Variants in MEAK7 observed in about 807,000 individuals in gnomAD.
MEAK7 encodes the protein MTOR associated protein MEAK7, also known as MTOR-associated protein MEAK7.
Under a neutral mutation model 40.5 loss-of-function variants are expected in MEAK7, and 68 were observed. That is an observed-to-expected ratio of 1.68 (90% CI 1.38 to 2.06). The LOEUF is 2.06. Among genes scored for constraint, MEAK7 ranks in the 30% most tolerant of loss-of-function variants. MEAK7 has a pLI of 0.00. For synonymous variants in MEAK7, 338 were observed against 231.9 expected (o/e 1.46, Z -4.16); for missense variants, 918 against 580.5 (o/e 1.58, Z -5.98).
intron 5 of MEAK7, among the ~76,000 whole-genome samples, chr16:84,483,777 A>G (rs752460247): frequency 3.3e-5 from 5 of 152,218 alleles, no homozygotes; most frequent in Non-Finnish European, 7.3e-5. Flanking sequence ...GCCCTGAAAC[A>G]GAGCTGGCTG....
chr16:84,503,924 G>A (rs1403391179), intron 1 of MEAK7: 9 of 984,938 alleles, frequency 9.1e-6, no homozygotes, highest in South Asian at 4.7e-5. Context: ...CAAGGGCCCC[G>A]CATCCCTAGA....
At chr16:84,496,297 T>C (rs1374419413) in intron 2 of MEAK7, among the ~76,000 whole-genome samples, 1 of 152,146 alleles carries the variant, frequency 6.6e-6, no homozygotes, top group Non-Finnish European at 1.5e-5. Flanking sequence ...GTGAATGACA[T>C]ACCTGGTCAA....
At chr16:84,497,347 G>T (rs1914133698) in intron 2 of MEAK7, 7 of 1,172,544 alleles carry the variant, frequency 6.0e-6, no homozygotes, top group Non-Finnish European at 4.4e-6. Flanking sequence ...CTCCCTGCAA[G>T]ATGAGCCTTG....
chr16:84,502,338 T>TA (rs11427168), intron 1 of MEAK7, among the ~76,000 whole-genome samples: 54,479 of 151,676 alleles, frequency 0.36, 10,243 homozygotes, highest in East Asian at 0.62. Context: ...GGGATACTGC[T>TA]AAAAATCCTA....
At chr16:84,482,306 G>T (rs565682035) in intron 6 of MEAK7, among the ~76,000 whole-genome samples, 8 of 152,302 alleles carry the variant, frequency 5.3e-5, no homozygotes, top group African/African-American at 1.4e-4. Flanking sequence ...AGCCACAAAG[G>T]CTACAAACCA....
Position 84,495,911 on chromosome 16 carries a change from G to C in MEAK7, c.156C>G (p.Asn52Lys), listed in dbSNP as rs1261881970. The C allele has an allele frequency of 8.7e-6, 14 of 1,613,814 alleles. No individual in the cohort carries two copies. The highest frequency in any genetic ancestry group is 1.6e-4 in the Middle Eastern group (1 of 6,084). Residue 52 changes from asparagine (N) to lysine (K), a missense_variant and splice_region_variant, in exon 3 of 8, where the codon AAC becomes AAG. By Grantham distance (94) the Asn-to-Lys change is moderately conservative. Transcript: ENST00000343629. ...CTGGGGGAAGAGCTTCCCCGACGTGGTTCTGCCGGGGACAAGCAGAAAAAT... is the reference window on the plus strand; with the variant it reads ...CTGGGGGAAGAGCTTCCCCGACGTGCTTCTGCCGGGGACAAGCAGAAAAAT... ...SKSFSLKALQ[N>K]HVGEALPPEM...
intron 3 of MEAK7, among the ~76,000 whole-genome samples, chr16:84,493,869 C>T (rs1179567471): frequency 6.6e-6 from 1 of 152,090 alleles, no homozygotes; most frequent in African/African-American, 2.4e-5. Flanking sequence ...CTCACACTGT[C>T]CTTTACAGGG....
chr16:84,500,887 G>C (rs1236904555), intron 1 of MEAK7, among the ~76,000 whole-genome samples: 2 of 152,072 alleles, frequency 1.3e-5, no homozygotes, highest in Non-Finnish European at 2.9e-5. Flanking sequence ...GAGGTCAGGA[G>C]TTCGAAACTA....
intron 3 of MEAK7, among the ~76,000 whole-genome samples, chr16:84,494,006 G>A (rs1407667822): frequency 6.6e-6 from 1 of 152,002 alleles, no homozygotes; most frequent in Non-Finnish European, 1.5e-5. Flanking sequence ...TAAATTCTTG[G>A]CTAGGCTTGG....
In MEAK7 at chr16:84,480,705, T is replaced by A. The variant is rs1464841076; in HGVS notation, c.1081A>T (p.Met361Leu). Residue 361 changes from methionine (M) to leucine (L), a missense_variant, in exon 7 of 8, where the codon ATG (methionine) becomes TTG (leucine). Coordinates refer to ENST00000343629, the MANE Select transcript of MEAK7 (RefSeq NM_020947.4). Reference sequence around the variant, plus strand: ...CCAAAGTAATTGTGCTGCCCCCCCATACCCTGCAAAGGAAGCCAGGACAGA... The same window carrying A: ...CCAAAGTAATTGTGCTGCCCCCCCAAACCCTGCAAAGGAAGCCAGGACAGA... ...GQQTIPNGLGMGGQHNYFGLW... is the reference protein window; with the variant it reads ...GQQTIPNGLGLGGQHNYFGLW... The A allele has an allele frequency of 1.9e-6, 3 of 1,610,674 alleles. No homozygotes were observed. The highest frequency in any genetic ancestry group is 1.1e-5 in the South Asian group (1 of 90,596).
chr16:84,489,031 C>A (rs775284149), intron 4 of MEAK7, among the ~76,000 whole-genome samples: 18 of 152,118 alleles, frequency 1.2e-4, no homozygotes, highest in Non-Finnish European at 2.6e-4. Flanking sequence ...AACCCTTTAG[C>A]TAGACTAAGA....
At chr16:84,491,863 G>A (rs940063511) in intron 3 of MEAK7, among the ~76,000 whole-genome samples, 2 of 151,484 alleles carry the variant, frequency 1.3e-5, no homozygotes, top group African/African-American at 4.8e-5. Context: ...AAAGAAAAAA[G>A]AAAACAGATT....
Position 84,479,692 on chromosome 16 carries a change from G to A in MEAK7, c.*221C>T, listed in dbSNP as rs1466097664. On this transcript the variant is annotated 3_prime_UTR_variant, in exon 8 of 8. Transcript: ENST00000343629. ...GAGATCCTGAGGGTGACCCTGTAGG[G>A]AAAAAAAGAAAACTTAAAAAACATC... The A allele has an allele frequency of 1.0e-5, 4 of 394,042 alleles. No homozygotes were observed. The highest frequency in any genetic ancestry group is 1.2e-4 in the South Asian group (1 of 8,084). 24.4% of individuals were successfully genotyped at this position (394,042 alleles called of 1,614,324 possible).
intron 5 of MEAK7, among the ~76,000 whole-genome samples, chr16:84,483,372 G>A (rs779343597): frequency 2.0e-5 from 3 of 152,232 alleles, no homozygotes; most frequent in Admixed American, 6.5e-5. Flanking sequence ...GCCAGGCCTC[G>A]TCCTCGGAGC....
chr16:84,482,913 G>C (rs75026179), intron 5 of MEAK7, among the ~76,000 whole-genome samples: 1 of 152,178 alleles, frequency 6.6e-6, no homozygotes, highest in Non-Finnish European at 1.5e-5. Flanking sequence ...TAGAGGGACA[G>C]CTAATAAGGA....
chr16:84,501,244 G>A (rs867970751), intron 1 of MEAK7, among the ~76,000 whole-genome samples: 1 of 152,140 alleles, frequency 6.6e-6, no homozygotes, highest in Non-Finnish European at 1.5e-5. Flanking sequence ...AGACTCACAG[G>A]TGATTCACCA....
At chr16:84,492,468 A>G (rs1913699234) in intron 3 of MEAK7, among the ~76,000 whole-genome samples, 2 of 152,116 alleles carry the variant, frequency 1.3e-5, no homozygotes, top group African/African-American at 4.8e-5. Flanking sequence ...AAAAAAATAA[A>G]GGTTTTTACC....
chr16:84,497,556 G>A, intron 2 of MEAK7: 2 of 1,295,416 alleles, frequency 1.5e-6, no homozygotes, highest in Non-Finnish European at 1.0e-6. Flanking sequence ...AGACACACGA[G>A]GCAGGCTATC....
chr16:84,502,234 C>T (rs901801919), intron 1 of MEAK7, among the ~76,000 whole-genome samples: 3 of 151,942 alleles, frequency 2.0e-5, no homozygotes, highest in African/African-American at 4.8e-5. Context: ...GGAGCAGTTT[C>T]GTCCCCCAGG....
Sources: allele counts gnomAD v4.1 joint callset (sites outside exome capture counted in the v4.1 genomes callset), GRCh38; gene constraint gnomAD v4.1.1; transcripts MANE v1.5; gene names NCBI Gene and HGNC (gene_info 2026-07-23, HGNC 2026-07-21).